Variants in EPN2 observed in about 807,000 individuals in gnomAD.
The protein encoded by EPN2 is epsin-2.
In EPN2, 34 loss-of-function variants were observed where a neutral mutation model predicts 61.7. That is an observed-to-expected ratio of 0.55 (90% confidence interval 0.42 to 0.73). The LOEUF is 0.73. EPN2 is among the 30% of genes least tolerant of loss of function. The pLI is 0.00. For synonymous variants in EPN2, 349 were observed against 353.6 expected (o/e 0.99, Z 0.15); for missense variants, 714 against 839.2 (o/e 0.85, Z 1.84).
At chr17:19,293,935 A>C (rs1260968183) in intron 4 of EPN2, among the ~76,000 whole-genome samples, 1 of 151,894 alleles carries the variant, frequency 6.6e-6, no homozygotes, top group Non-Finnish European at 1.5e-5. Context: ...CCAAAAATAC[A>C]AAAAATTAGT....
chr17:19,331,801 C>A, intron 9 of EPN2, 52 bp from the exon 10 acceptor site: 2 of 1,513,344 alleles, frequency 1.3e-6, no homozygotes, highest in Non-Finnish European at 1.8e-6. Context: ...AGTACACAGT[C>A]TTAGGCTCTC....
At chr17:19,289,574 GTCTCC>G (rs1434694675) in intron 4 of EPN2, among the ~76,000 whole-genome samples, 3 of 152,112 alleles carry the variant, frequency 2.0e-5, no homozygotes, top group African/African-American at 7.2e-5. Flanking sequence ...ACATCGAAGT[GTCTCC>G]TAGACACGCA....
intron 4 of EPN2, chr17:19,305,923 T>G (rs562349082): frequency 3.3e-5 from 5 of 152,206 alleles, no homozygotes; most frequent in Non-Finnish European, 5.9e-5. Context: ...CTGGAAAGGA[T>G]AGAAATAAGG....
At chr17:19,321,918 C>T (rs542903751) in intron 7 of EPN2, among the ~76,000 whole-genome samples, 175 of 152,266 alleles carry the variant, frequency 1.1e-3, no homozygotes, top group Admixed American at 2.8e-3. Flanking sequence ...TCCACCATGC[C>T]ACTTACGTCC....
At chr17:19,304,889 C>T (rs1243494293) in intron 4 of EPN2, among the ~76,000 whole-genome samples, 7 of 152,286 alleles carry the variant, frequency 4.6e-5, no homozygotes, top group African/African-American at 1.2e-4. Context: ...GGTCTTCTCA[C>T]GCCCCCAAGG....
rs926820033 is a variant in EPN2 at position 19,335,187 on chromosome 17, ACAG to A, written c.*936_*938del. ...ATGATGTTTATTTAAAAAAAAAACAACAGCAACAAAAAATCCTAGCCTCCAGTT... is the reference window on the plus strand; with the variant it reads ...ATGATGTTTATTTAAAAAAAAAACAACAACAAAAAATCCTAGCCTCCAGTT... On this transcript the variant is annotated 3_prime_UTR_variant, in exon 11 of 11. Transcript: ENST00000314728. 1.5e-4 allele frequency: 58 copies of A among 397,276 alleles called. No homozygotes were observed. Among genetic ancestry groups the A allele is most frequent in the Non-Finnish European group, 2.3e-4 (51 of 223,532 alleles). 24.6% of individuals were successfully genotyped at this position (397,276 alleles called of 1,614,324 possible).
At chr17:19,242,132 G>GGA (rs796687460) in intron 1 of EPN2, among the ~76,000 whole-genome samples, 1 of 115,374 alleles carries the variant, frequency 8.7e-6, no homozygotes, top group East Asian at 2.2e-4. Context: ...TGTTTGATCT[G>GGA]AAAAAAAAAA....
intron 1 of EPN2, among the ~76,000 whole-genome samples, chr17:19,270,728 C>T (rs571924231): frequency 8.5e-5 from 13 of 152,278 alleles, no homozygotes; most frequent in African/African-American, 2.9e-4. Flanking sequence ...TCCCTGTGGC[C>T]GGAGTGAGAA....
At chr17:19,262,093 A>C (rs764798820) in intron 1 of EPN2, among the ~76,000 whole-genome samples, 2 of 152,174 alleles carry the variant, frequency 1.3e-5, no homozygotes, top group Admixed American at 6.5e-5. Flanking sequence ...AGGCTGAGGC[A>C]GGAGAATTGC....
At chr17:19,329,122 C>G (rs896686822) in intron 8 of EPN2, 1 of 500,160 alleles carries the variant, frequency 2.0e-6, no homozygotes, top group Non-Finnish European at 3.5e-6. Context: ...GGGCTTCCAC[C>G]TGGGTGTTGA....
In EPN2 at chr17:19,334,057, A is replaced by G; in HGVS notation, c.1729A>G (p.Thr577Ala). The G allele has an allele frequency of 6.2e-7, 1 of 1,609,568 alleles. No homozygotes were observed. Among genetic ancestry groups the G allele is most frequent in the Non-Finnish European group, 8.5e-7 (1 of 1,177,514 alleles). Residue 577 changes from threonine to alanine, a missense_variant, in exon 11 of 11, where the codon ACA (threonine) becomes GCA (alanine). Physicochemically the swap from Thr to Ala is moderately conservative, Grantham distance 58. This residue lies in a region of EPN2 where 410 missense variants were observed against 421.8 expected (regional missense o/e 0.97). Coordinates refer to ENST00000314728, the MANE Select transcript of EPN2 (RefSeq NM_014964.5). The surrounding 1 kb of genome is among the most constrained non-coding windows in gnomAD (Gnocchi z 4.9). Reference protein sequence around the residue: ...LRGSPVLGTSTSFGPGPGVES... With the variant: ...LRGSPVLGTSASFGPGPGVES... ...GGGGAGCCCAGTCCTGGGGACCAGC[A>G]CATCCTTTGGGCCTGGCCCAGGAGT...
intron 1 of EPN2, among the ~76,000 whole-genome samples, chr17:19,270,639 CTA>C (rs1032688240): frequency 6.6e-6 from 1 of 152,212 alleles, no homozygotes; most frequent in African/African-American, 2.4e-5. Flanking sequence ...CCTGTTACCT[CTA>C]TTTGAGAGGT....
At chr17:19,321,585 G>A (rs557029584) in intron 7 of EPN2, among the ~76,000 whole-genome samples, 7 of 152,290 alleles carry the variant, frequency 4.6e-5, no homozygotes, top group African/African-American at 1.7e-4. Context: ...CAGGAGTGGG[G>A]GATAGAAGTA....
chr17:19,313,500 G>A, intron 7 of EPN2: 1 of 430,650 alleles, frequency 2.3e-6, no homozygotes, highest in East Asian at 3.6e-5. Flanking sequence ...TGCTTTGGGA[G>A]AAGGAAAGTC....
rs531816212 is a variant in EPN2 at position 19,291,686 on chromosome 17, C to T, written c.766+5896C>T. 3.9e-5 allele frequency among the ~76,000 whole-genome samples: 6 copies of T among 152,224 alleles called. No homozygotes were observed. In the South Asian group the frequency reaches 1.2e-3, roughly 32 times the overall value. On this transcript the variant is annotated intron_variant, in intron 4 of 10. Coordinates refer to ENST00000314728, the MANE Select transcript of EPN2 (RefSeq NM_014964.5). ...TGATCTCCTGACCTCATGATCCACC[C>T]GCCTCGGCCTCCCAAAGTGCTGGAA...
intron 1 of EPN2, among the ~76,000 whole-genome samples, chr17:19,276,773 G>GTTT (rs80078595): frequency 1.3e-4 from 16 of 119,312 alleles, no homozygotes; most frequent in East Asian, 7.4e-4. Flanking sequence ...ATGAGAATAA[G>GTTT]TTTTTTTTTT....
At chr17:19,254,538 C>G (rs1373931541) in intron 1 of EPN2, among the ~76,000 whole-genome samples, 1 of 151,872 alleles carries the variant, frequency 6.6e-6, no homozygotes. Flanking sequence ...GAGACTCTGT[C>G]TCAAAAAAAA....
intron 3 of EPN2, among the ~76,000 whole-genome samples, chr17:19,284,374 C>T (rs1406415343): frequency 6.6e-6 from 1 of 152,088 alleles, no homozygotes; most frequent in African/African-American, 2.4e-5. Flanking sequence ...GAGTGGAGTT[C>T]AGGGCCTGAT....
intron 5 of EPN2, among the ~76,000 whole-genome samples, chr17:19,310,759 G>A (rs905757006): frequency 6.6e-6 from 1 of 151,528 alleles, no homozygotes; most frequent in Non-Finnish European, 1.5e-5. Context: ...TGTATTTTTA[G>A]TAGAGACAGG....
Sources: allele counts gnomAD v4.1 joint callset (sites outside exome capture counted in the v4.1 genomes callset), GRCh38; gene constraint gnomAD v4.1.1; regional missense constraint gnomAD v4.1.1; non-coding constraint Gnocchi (gnomAD v3.1); transcripts MANE v1.5; gene names NCBI Gene and HGNC (gene_info 2026-07-23, HGNC 2026-07-21).